Variants in ADCK1 observed in about 807,000 individuals in gnomAD.
ADCK1 encodes the protein aarF domain-containing protein kinase 1.
A neutral mutation model predicts 52.3 loss-of-function variants in ADCK1; 41 were observed. That is an observed-to-expected ratio of 0.78 (90% confidence interval 0.61 to 1.02). The LOEUF (loss-of-function observed/expected upper bound fraction) is 1.02. Ranked by LOEUF, ADCK1 falls within the 50% of genes least tolerant of loss-of-function variation. The pLI, the probability that ADCK1 is intolerant of heterozygous loss-of-function variation, is 0.00. For synonymous variants in ADCK1, 250 were observed against 274.6 expected, an observed-to-expected ratio of 0.91 and a Z score of 0.89; for missense variants, 658 against 679.5, an observed-to-expected ratio of 0.97 and a Z score of 0.35.
intron 7 of ADCK1, among the ~76,000 whole-genome samples, chr14:77,915,310 T>C (rs1188353255): frequency 6.6e-6 from 1 of 151,230 alleles, no homozygotes; most frequent in East Asian, 1.9e-4. Flanking sequence ...ATTAGGTATA[T>C]CTCCTAATGC....
intron 3 of ADCK1, among the ~76,000 whole-genome samples, chr14:77,842,097 ACAAT>A (rs2082080236): frequency 6.6e-6 from 1 of 152,078 alleles, no homozygotes; most frequent in South Asian, 2.1e-4. Context: ...TCTCTGTAAA[ACAAT>A]CAAACATGAC....
intron 4 of ADCK1, among the ~76,000 whole-genome samples, chr14:77,872,706 C>A (rs1336748275): frequency 6.7e-6 from 1 of 148,612 alleles, no homozygotes; most frequent in Non-Finnish European, 1.5e-5. Flanking sequence ...TGGAGTTTCA[C>A]TCTTGTTGCT....
chr14:77,924,550 A>C lies in ADCK1; in HGVS notation c.952A>C (p.Lys318Gln). The change falls in exon 8 of 11, where the codon AAG becomes CAG. Residue 318 changes from lysine to glutamine, a missense_variant. Physicochemically the swap from Lys to Gln is moderately conservative, Grantham distance 53 (BLOSUM62 1). Transcript: ENST00000238561. ...DPHPGNVLVR[K>Q]HPGTGKAEIV... ...CCACCCCGGCAATGTACTGGTGCGGAAGCACCCCGGCACGGGAAAGGCGGA... is the reference window on the plus strand; with the variant it reads ...CCACCCCGGCAATGTACTGGTGCGGCAGCACCCCGGCACGGGAAAGGCGGA... The C allele has an allele frequency of 6.2e-7, 1 of 1,614,012 alleles. No individual in the cohort carries two copies. Among genetic ancestry groups the C allele is most frequent in the Non-Finnish European group, 8.5e-7 (1 of 1,180,030 alleles).
chr14:77,856,074 G>T (rs1223335434), intron 3 of ADCK1, among the ~76,000 whole-genome samples: 1 of 151,990 alleles, frequency 6.6e-6, no homozygotes, highest in Non-Finnish European at 1.5e-5. Flanking sequence ...GCTAGGCGTG[G>T]TCGCGGGCCC....
chr14:77,865,588 C>G (rs955993148), intron 4 of ADCK1, among the ~76,000 whole-genome samples: 1 of 152,236 alleles, frequency 6.6e-6, no homozygotes, highest in Non-Finnish European at 1.5e-5. Context: ...AATTAACCAT[C>G]ATGATTCCCT....
intron 4 of ADCK1, among the ~76,000 whole-genome samples, chr14:77,859,964 C>T (rs1292177159): frequency 2.0e-5 from 3 of 152,164 alleles, no homozygotes; most frequent in African/African-American, 2.4e-5. Flanking sequence ...GTGCTTGTGC[C>T]GTGGTCTACC....
At chr14:77,879,662 T>C (rs1409261517) in intron 4 of ADCK1, among the ~76,000 whole-genome samples, 2 of 152,160 alleles carry the variant, frequency 1.3e-5, no homozygotes, top group Non-Finnish European at 2.9e-5. Flanking sequence ...ATGATCAGCT[T>C]ATGTTTGGGA....
chr14:77,860,960 G>A (rs577264030), intron 4 of ADCK1, among the ~76,000 whole-genome samples: 2 of 152,292 alleles, frequency 1.3e-5, no homozygotes, highest in Admixed American at 1.3e-4. Flanking sequence ...GACAAGGGCA[G>A]GTTAGTGGCT....
At chr14:77,822,576 C>G (rs969687888) in intron 3 of ADCK1, 58 bp downstream of exon 3, 5 of 1,413,078 alleles carry the variant, frequency 3.5e-6, no homozygotes, top group African/African-American at 2.8e-5. Context: ...CCTTGAACTG[C>G]TATGCTCTAG....
At chr14:77,894,536 C>T (rs2083356914) in intron 5 of ADCK1, among the ~76,000 whole-genome samples, 1 of 151,906 alleles carries the variant, frequency 6.6e-6, no homozygotes, top group South Asian at 2.1e-4. Flanking sequence ...CAAGAAAAGC[C>T]CAGGTCAGAG....
At chr14:77,884,944 G>C (rs2083115478) in intron 4 of ADCK1, among the ~76,000 whole-genome samples, 1 of 152,216 alleles carries the variant, frequency 6.6e-6, no homozygotes, top group African/African-American at 2.4e-5. Context: ...CATGTTTGAG[G>C]TCTTTGGATT....
At chr14:77,883,407 G>A (rs1230853285) in intron 4 of ADCK1, among the ~76,000 whole-genome samples, 1 of 148,770 alleles carries the variant, frequency 6.7e-6, no homozygotes, top group East Asian at 2.0e-4. Context: ...GCTGCATGGG[G>A]GGTATAATTC....
chr14:77,874,182 G>A (rs2082847815), intron 4 of ADCK1, among the ~76,000 whole-genome samples: 1 of 152,204 alleles, frequency 6.6e-6, no homozygotes, highest in African/African-American at 2.4e-5. Flanking sequence ...TGCATGGGCT[G>A]CTTTGCTTGA....
chr14:77,831,598 T>G lies in ADCK1; in HGVS notation c.219+9080T>G, dbSNP rs187979832. On this transcript the variant is annotated intron_variant, in intron 3 of 10. Coordinates refer to ENST00000238561, the MANE Select transcript of ADCK1 (RefSeq NM_020421.4). ...GTCAACTTTTATTTTATTTATTTATTTTTTGAGACAGGGTCTTGCTTTGTT... is the reference window on the plus strand; with the variant it reads ...GTCAACTTTTATTTTATTTATTTATGTTTTGAGACAGGGTCTTGCTTTGTT... Among the ~76,000 whole-genome samples the G allele has an allele frequency of 3.7e-3, 565 of 152,308 alleles. 2 individuals carry two copies. The Middle Eastern group carries it at 0.041, about 11-fold the overall frequency.
intron 1 of ADCK1, among the ~76,000 whole-genome samples, chr14:77,809,791 T>G (rs1435685683): frequency 6.6e-6 from 1 of 151,402 alleles, no homozygotes; most frequent in African/African-American, 2.4e-5. Flanking sequence ...TCCCAGCACT[T>G]TGGGAGGCCA....
intron 6 of ADCK1, 116 bp from the exon 7 acceptor site, chr14:77,907,687 C>T (rs1374728040): frequency 4.1e-6 from 3 of 733,868 alleles, no homozygotes; most frequent in Admixed American, 2.8e-5. Flanking sequence ...TCCTGGGCCT[C>T]TTCTCCCTTG....
chr14:77,926,953 AC>A (rs1455094745), intron 9 of ADCK1, among the ~76,000 whole-genome samples: 1 of 152,102 alleles, frequency 6.6e-6, no homozygotes, highest in African/African-American at 2.4e-5. Context: ...ACCCACTTAG[AC>A]TTGCCTGAAT....
chr14:77,856,228 G>A (rs149305079), intron 3 of ADCK1, among the ~76,000 whole-genome samples: 2,112 of 152,054 alleles, frequency 0.014, 54 homozygotes, highest in African/African-American at 0.049. Context: ...AGAAATTTGG[G>A]AAATACAGAA....
intron 7 of ADCK1, chr14:77,914,435 C>G (rs901765272): frequency 2.0e-6 from 2 of 985,346 alleles, no homozygotes; most frequent in Non-Finnish European, 1.2e-6. Context: ...TGTGTCATTG[C>G]AGGAGCAGCG....
Sources: allele counts gnomAD v4.1 joint callset (sites outside exome capture counted in the v4.1 genomes callset), GRCh38; gene constraint gnomAD v4.1.1; transcripts MANE v1.5; gene names NCBI Gene and HGNC (gene_info 2026-07-23, HGNC 2026-07-21).